The following IARS2 variants were observed in gnomAD, a reference collection of about 807,000 sequenced individuals.
The protein encoded by IARS2 is isoleucyl-tRNA synthetase 2, mitochondrial.
In IARS2, 56 loss-of-function variants were observed where a neutral mutation model predicts 126.3. The ratio of observed to expected loss-of-function variants is 0.44; its 90% CI spans 0.36 to 0.55. The LOEUF (loss-of-function observed/expected upper bound fraction) is 0.55, where lower values mean the gene tolerates loss of function less well. IARS2 is among the 20% of genes least tolerant of loss of function. The pLI is 0.00. For missense variants in IARS2, 1,127 were observed against 1,245.9 expected (o/e 0.90, Z 1.44); for synonymous variants, 407 against 441.1 (o/e 0.92, Z 0.97).
intron 2 of IARS2, among the ~76,000 whole-genome samples, chr1:220,097,726 A>G (rs893451058): frequency 3.3e-5 from 5 of 152,124 alleles, no homozygotes; most frequent in African/African-American, 1.2e-4. Context: ...TCGCACATCT[A>G]TTTCTGAATC....
In IARS2 at chr1:220,100,498, A is replaced by G; in HGVS notation, c.399A>G (p.Lys133=). Residue 133 remains lysine (K), a synonymous_variant, in exon 3 of 23, where the codon AAA becomes AAG. Coordinates refer to ENST00000366922, the MANE Select transcript of IARS2 (RefSeq NM_018060.4). ...TCATTTTATCTTTGCAGATTTTGAAAGACATAGCCAATCGATTCCATATGA... is the reference window on the plus strand; with the variant it reads ...TCATTTTATCTTTGCAGATTTTGAAGGACATAGCCAATCGATTCCATATGA... ...HVGHALNKIL[K]DIANRFHMMN... The G allele has an allele frequency of 6.3e-7, 1 of 1,598,900 alleles. No homozygotes were observed. The highest frequency in any genetic ancestry group is 8.5e-7 in the Non-Finnish European group (1 of 1,173,524).
chr1:220,101,803 A>G (rs895706809), intron 3 of IARS2, among the ~76,000 whole-genome samples: 1 of 152,136 alleles, frequency 6.6e-6, no homozygotes, highest in African/African-American at 2.4e-5. Flanking sequence ...GATCCAGACC[A>G]TCCTGGCTGA....
intron 19 of IARS2, 125 bp downstream of exon 19, chr1:220,140,414 T>C: frequency 1.6e-6 from 1 of 606,776 alleles, no homozygotes; most frequent in East Asian, 2.9e-5. Context: ...GAGACCAGTA[T>C]GGCAAAATAC....
chr1:220,114,346 A>G lies in IARS2; in HGVS notation c.1512A>G (p.Gly504=). The change falls in exon 12 of 23, where the codon GGA becomes GGG. Residue 504 remains glycine (G), a synonymous_variant. Coordinates refer to ENST00000366922, the MANE Select transcript of IARS2 (RefSeq NM_018060.4). ...TAAAAAAGGTGAAATTTATTCCTGG[A>G]TCAGCACTGAATGGCATGGTTGAAA... The part of the protein sequence containing the change: ...ELLKKVKFIP[G]SALNGMVEMM... The G allele has an allele frequency of 6.2e-7, 1 of 1,614,020 alleles. No individual in the cohort carries two copies. The highest frequency in any genetic ancestry group is 8.5e-7 in the Non-Finnish European group (1 of 1,179,922).
chr1:220,112,124 CTTT>C (rs1279509771), intron 11 of IARS2, among the ~76,000 whole-genome samples: 1 of 114,756 alleles, frequency 8.7e-6, no homozygotes. Flanking sequence ...CGACCACCTA[CTTT>C]TTTTTTTTTT....
rs968267750 is a variant in IARS2, at chr1:220,094,162, G to T, written c.-55G>T. On this transcript the variant is annotated 5_prime_UTR_variant, in exon 1 of 23. Coordinates refer to ENST00000366922, the MANE Select transcript of IARS2 (RefSeq NM_018060.4). ...GCTCCCCTTGGTTTCCTGGGGTCCT[G>T]CCCCTTCAAGCTGGGGCGGGAGCGG... The T allele has an allele frequency of 9.4e-6, 14 of 1,485,202 alleles. No individual in the cohort carries two copies. The highest frequency in any genetic ancestry group is 2.9e-5 in the African/African-American group (2 of 69,390). 92.0% of individuals were successfully genotyped at this position (1,485,202 alleles called of 1,614,324 possible).
chr1:220,134,762 G>GTTTTTT (rs1558129936), intron 15 of IARS2: 1 of 230,986 alleles, frequency 4.3e-6, no homozygotes, highest in Non-Finnish European at 8.3e-6. Context: ...GTTCTTTGTT[G>GTTTTTT]TTGTTGTTTT....
Position 220,136,788 on chromosome 1 carries a change from AT to A in IARS2, c.1947-20del, listed in dbSNP as rs774380565. 9.5e-6 allele frequency: 12 copies of A among 1,258,182 alleles called. No homozygotes were observed. Among genetic ancestry groups the A allele is most frequent in the Non-Finnish European group, 1.4e-5 (12 of 872,204 alleles). The allele number at this position is 1,258,182 out of a possible 1,614,324, so 77.9% of individuals were successfully genotyped here. ...AATTATAATTGTGTTTATCATTAAA[AT>A]AGCTGATTTGTCCCTTTAGGACAGT... On this transcript the variant is annotated intron_variant, in intron 15 of 22. Coordinates refer to ENST00000366922, the MANE Select transcript of IARS2 (RefSeq NM_018060.4).
At position 220,138,967 on chromosome 1, in the gene IARS2, T is replaced by G. The variant is rs1323153616; in HGVS notation, c.2176-41T>G. 5 of 1,576,230 alleles carry G rather than the reference T, an allele frequency of 3.2e-6. No homozygotes were observed. The South Asian group carries it at 4.6e-5, about 15-fold the overall frequency. On this transcript the variant is annotated intron_variant, in intron 17 of 22. Coordinates refer to ENST00000366922, the MANE Select transcript of IARS2 (RefSeq NM_018060.4). ...TTTTCAGTGAAAATTGAAGGCACCA[T>G]TAGATTTTTTTAACTGCATATTTTT... is the stretch of plus-strand genomic sequence containing the variant.
intron 15 of IARS2, among the ~76,000 whole-genome samples, chr1:220,136,085 G>A (rs1273383113): frequency 6.6e-6 from 1 of 152,088 alleles, no homozygotes; most frequent in African/African-American, 2.4e-5. Context: ...GTTTTCCTTT[G>A]TGTAAGTCGA....
chr1:220,100,740 T>G, intron 3 of IARS2, 91 bp downstream of exon 3: 1 of 995,038 alleles, frequency 1.0e-6, no homozygotes, highest in Non-Finnish European at 1.5e-6. Context: ...ACCTTTTGTT[T>G]GGGTTTCGTT....
intron 10 of IARS2, among the ~76,000 whole-genome samples, chr1:220,109,774 A>T (rs1190274042): frequency 6.6e-6 from 1 of 152,212 alleles, no homozygotes; most frequent in Non-Finnish European, 1.5e-5. Context: ...CACATTCACT[A>T]GTGCTGGGGG....
At position 220,105,925 on chromosome 1, in the gene IARS2, A is replaced by G; in HGVS notation, c.1101A>G (p.Pro367=). 8 of 1,614,158 alleles carry G rather than the reference A, an allele frequency of 5.0e-6. No individual in the cohort carries two copies. The highest frequency in any genetic ancestry group is 5.1e-6 in the Non-Finnish European group (6 of 1,180,004). The change falls in exon 9 of 23, where the codon CCA becomes CCG. Residue 367 remains proline (P), a synonymous_variant. Coordinates refer to ENST00000366922, the MANE Select transcript of IARS2 (RefSeq NM_018060.4). ...VDLENGTCSH[P]LIPDKASPLL... ...TGGAAAATGGTACTTGCAGTCATCC[A>G]TTAATTCCTGATAAAGCCTCTCCTC...
At chr1:220,135,703 T>A (rs74343153) in intron 15 of IARS2, among the ~76,000 whole-genome samples, 10,889 of 152,058 alleles carry the variant, frequency 0.072, 525 homozygotes, top group South Asian at 0.15. Flanking sequence ...TAAAGACCAG[T>A]AAAAGGGCAG....
At chr1:220,146,591 T>C (rs1252681346) in intron 22 of IARS2, among the ~76,000 whole-genome samples, 1 of 149,746 alleles carries the variant, frequency 6.7e-6, no homozygotes, top group Non-Finnish European at 1.5e-5. Flanking sequence ...TACCAGGAGA[T>C]GGGAAGCTAA....
chr1:220,125,954 A>G (rs559023442), intron 13 of IARS2, among the ~76,000 whole-genome samples: 17 of 151,764 alleles, frequency 1.1e-4, no homozygotes, highest in South Asian at 4.2e-4. Context: ...AAAATACAAA[A>G]AAATTAGCTG....
intron 12 of IARS2, among the ~76,000 whole-genome samples, chr1:220,120,305 C>T (rs2102829109): frequency 6.6e-6 from 1 of 151,806 alleles, no homozygotes; most frequent in Admixed American, 6.6e-5. Flanking sequence ...TGGTCTCGAA[C>T]TCCCCACCTC....
intron 2 of IARS2, among the ~76,000 whole-genome samples, chr1:220,098,887 A>G (rs1241620795): frequency 6.6e-6 from 1 of 152,186 alleles, no homozygotes; most frequent in Non-Finnish European, 1.5e-5. Flanking sequence ...CATCCTGTTC[A>G]TATGACTGAA....
intron 22 of IARS2, among the ~76,000 whole-genome samples, chr1:220,146,853 G>A (rs977466873): frequency 6.6e-6 from 1 of 151,888 alleles, no homozygotes; most frequent in Non-Finnish European, 1.5e-5. Context: ...TGTATTTTTA[G>A]TAGAGATGGG....
Sources: gnomAD v4.1 joint callset for allele counts (sites outside exome capture counted in the v4.1 genomes callset) on GRCh38, gnomAD v4.1.1 for gene constraint, MANE v1.5 for transcripts, NCBI Gene and HGNC (gene_info 2026-07-23, HGNC 2026-07-21) for gene names.